MTUS2: variants seen among roughly 807,000 people sequenced by gnomAD.
MTUS2 encodes the protein microtubule-associated tumor suppressor candidate 2.
In MTUS2, 40 loss-of-function variants were observed where a neutral mutation model predicts 114.1. The observed-to-expected ratio is 0.35, with a 90% CI of 0.27 to 0.46. MTUS2 has a LOEUF of 0.46. Ranked by LOEUF, MTUS2 falls within the 20% of genes least tolerant of loss-of-function variation. The probability of loss-of-function intolerance (pLI) is 1.00; values close to 1 mark genes in which losing one functional copy is unlikely to be tolerated. For missense variants in MTUS2, 1,679 were observed against 1,705.4 expected (o/e 0.98, Z 0.27); for synonymous variants, 688 against 672.0 (o/e 1.02, Z -0.37).
intron 5 of MTUS2, among the ~76,000 whole-genome samples, chr13:29,118,616 G>C (rs1346348189): frequency 6.6e-6 from 1 of 152,318 alleles, no homozygotes; most frequent in Non-Finnish European, 1.5e-5. Flanking sequence ...GAGTCTGTTA[G>C]CAGTGTGTAG....
At chr13:29,464,875 A>G (rs1166195214) in intron 9 of MTUS2, among the ~76,000 whole-genome samples, 1 of 152,210 alleles carries the variant, frequency 6.6e-6, no homozygotes, top group Non-Finnish European at 1.5e-5. Flanking sequence ...TCTGGGTATA[A>G]GGCTTAGAAA....
intron 8 of MTUS2, among the ~76,000 whole-genome samples, chr13:29,412,808 C>T (rs1875359663): frequency 6.6e-6 from 1 of 152,068 alleles, no homozygotes; most frequent in Admixed American, 6.6e-5. Context: ...AGGAGGATTG[C>T]TTGAGCCCAG....
At position 29,471,742 on chromosome 13, in the gene MTUS2, G is replaced by GCCCCC. The variant is rs559849711; in HGVS notation, c.3185-8404_3185-8400dup. ...CTCCAGCCTCTGCTCTGCAGGCCCAGCCCCCCCCGACACATTGATCTTAGG... is the reference window on the plus strand; with the variant it reads ...CTCCAGCCTCTGCTCTGCAGGCCCAGCCCCCCCCCCCCCGACACATTGATCTTAGG... On this transcript the variant is annotated intron_variant, in intron 9 of 15. Coordinates refer to ENST00000612955, the MANE Select transcript of MTUS2 (RefSeq NM_001033602.4). Among the ~76,000 whole-genome samples the GCCCCC allele has an allele frequency of 9.8e-4, 129 of 131,632 alleles. 1 individual carries two copies. Among genetic ancestry groups the GCCCCC allele is most frequent in the Middle Eastern group, 3.8e-3 (1 of 260 alleles). The allele number at this position is 131,632 out of a possible 152,430, so 86.4% of individuals were successfully genotyped here.
chr13:29,271,908 G>A (rs1415406527), intron 5 of MTUS2, among the ~76,000 whole-genome samples: 3 of 152,024 alleles, frequency 2.0e-5, no homozygotes, highest in Non-Finnish European at 2.9e-5. Flanking sequence ...TTGCTGTGAG[G>A]GTTTATTGTG....
At chr13:29,367,724 GC>G (rs1184265257) in intron 8 of MTUS2, among the ~76,000 whole-genome samples, 8 of 143,586 alleles carry the variant, frequency 5.6e-5, no homozygotes, top group Admixed American at 4.8e-4. Context: ...CCCCACCCCA[GC>G]CCCAGCAACA....
At chr13:29,372,544 A>T (rs979076702) in intron 8 of MTUS2, among the ~76,000 whole-genome samples, 1 of 152,112 alleles carries the variant, frequency 6.6e-6, no homozygotes, top group Admixed American at 6.6e-5. Context: ...ACACCCATCC[A>T]CAGAAGAACA....
At chr13:29,376,657 A>G (rs1261981833) in intron 8 of MTUS2, among the ~76,000 whole-genome samples, 2 of 152,208 alleles carry the variant, frequency 1.3e-5, no homozygotes, top group East Asian at 3.8e-4. Context: ...TTTTATTGCA[A>G]CACAGCCACA....
At chr13:29,262,916 G>GCTGGTA (rs1316770818) in intron 5 of MTUS2, among the ~76,000 whole-genome samples, 4 of 152,164 alleles carry the variant, frequency 2.6e-5, no homozygotes, top group Non-Finnish European at 5.9e-5. Flanking sequence ...TTCTGCTGGT[G>GCTGGTA]CTGGTACTGA....
At chr13:29,256,463 G>A (rs1897286163) in intron 5 of MTUS2, among the ~76,000 whole-genome samples, 1 of 152,226 alleles carries the variant, frequency 6.6e-6, no homozygotes, top group Non-Finnish European at 1.5e-5. Flanking sequence ...GGCGTGGGCT[G>A]AGCCCAGAGT....
chr13:29,226,836 C>G (rs1896124901), intron 5 of MTUS2, among the ~76,000 whole-genome samples: 1 of 152,076 alleles, frequency 6.6e-6, no homozygotes, highest in African/African-American at 2.4e-5. Flanking sequence ...TACTTAAAAG[C>G]CAAAATTAAG....
intron 5 of MTUS2, among the ~76,000 whole-genome samples, chr13:29,255,231 G>A (rs1278426971): frequency 6.6e-6 from 1 of 152,186 alleles, no homozygotes; most frequent in Non-Finnish European, 1.5e-5. Flanking sequence ...GAGCAGAGAC[G>A]GAAGGGTTCA....
chr13:28,991,327 A>G (rs1884840858), intron 2 of MTUS2, among the ~76,000 whole-genome samples: 1 of 150,372 alleles, frequency 6.7e-6, no homozygotes, highest in African/African-American at 2.4e-5. Context: ...CTTTCCATTG[A>G]GGTAGTGTAC....
At chr13:29,332,202 G>C (rs552400738) in intron 7 of MTUS2, among the ~76,000 whole-genome samples, 1 of 152,128 alleles carries the variant, frequency 6.6e-6, no homozygotes, top group Non-Finnish European at 1.5e-5. Flanking sequence ...GCCGTTTTTC[G>C]TTGGTAGGCT....
chr13:29,480,071 G>C lies in MTUS2; in HGVS notation c.3185-79G>C. On this transcript the variant is annotated intron_variant, in intron 9 of 15. Transcript: ENST00000612955. The surrounding 1 kb of genome is among the most constrained non-coding windows in gnomAD (Gnocchi z 4.4). The stretch of plus-strand genomic sequence containing the variant: ...CCCTGTTTATTACGCCAGCCTTGAT[G>C]ATCTGACCATGGAGGCTGAGTCCTT... 3 of 1,417,626 alleles carry C rather than the reference G, an allele frequency of 2.1e-6. No homozygotes were observed. The East Asian group carries it at 7.5e-5, about 35-fold the overall frequency. 87.8% of individuals were successfully genotyped at this position (1,417,626 alleles called of 1,614,324 possible).
rs115212853 is a variant in MTUS2, at chr13:29,469,195, C to G, written c.3185-10955C>G. On this transcript the variant is annotated intron_variant, in intron 9 of 15. Coordinates refer to ENST00000612955, the MANE Select transcript of MTUS2 (RefSeq NM_001033602.4). ...GGCCAGAGGCTCCTGCCCCGCCTCT[C>G]CTGCCTGGCTTCTGCTTTGTCCTTC... 9.9e-3 allele frequency among the ~76,000 whole-genome samples: 1,515 copies of G among 152,328 alleles called. 14 individuals are homozygous for G. Among genetic ancestry groups the G allele is most frequent in the African/African-American group, 0.035 (1,435 of 41,562 alleles).
At chr13:29,333,032 C>G (rs1179702094) in intron 7 of MTUS2, among the ~76,000 whole-genome samples, 1 of 152,138 alleles carries the variant, frequency 6.6e-6, no homozygotes, top group African/African-American at 2.4e-5. Flanking sequence ...CCTCTAAACA[C>G]TGCTTTAGCT....
At chr13:29,470,327 C>T (rs1880189201) in intron 9 of MTUS2, among the ~76,000 whole-genome samples, 1 of 152,176 alleles carries the variant, frequency 6.6e-6, no homozygotes, top group Non-Finnish European at 1.5e-5. Context: ...TAACTGACAA[C>T]CTCTAACATC....
At chr13:29,150,032 GT>G (rs889256653) in intron 5 of MTUS2, among the ~76,000 whole-genome samples, 1 of 152,064 alleles carries the variant, frequency 6.6e-6, no homozygotes, top group Non-Finnish European at 1.5e-5. Flanking sequence ...TTTTAAAATA[GT>G]TTTTTCTAAT....
intron 9 of MTUS2, among the ~76,000 whole-genome samples, chr13:29,467,627 A>ATTTTTTTTTTTTTTTTTTTT (rs199884714): frequency 6.6e-6 from 1 of 151,580 alleles, no homozygotes; most frequent in Admixed American, 6.6e-5. Flanking sequence ...CTTGGACAGC[A>ATTTTTTTTTTTTTTTTTTTT]TTTTTTTTTC....
Sources: allele counts gnomAD v4.1 joint callset (sites outside exome capture counted in the v4.1 genomes callset), GRCh38; gene constraint gnomAD v4.1.1; non-coding constraint Gnocchi (gnomAD v3.1); transcripts MANE v1.5; gene names NCBI Gene and HGNC (gene_info 2026-07-23, HGNC 2026-07-21).